UTS2: variants seen among roughly 807,000 people sequenced by gnomAD.
UTS2 encodes the protein urotensin 2, also known as urotensin-2.
A neutral mutation model predicts 12.6 loss-of-function variants in UTS2; 10 were observed. That is an observed-to-expected ratio of 0.80 (90% CI 0.49 to 1.35). The LOEUF (loss-of-function observed/expected upper bound fraction) is 1.35, where lower values mean the gene tolerates loss of function less well. Ranked by LOEUF, UTS2 falls within the 40% of genes most tolerant of loss-of-function variation. The pLI, the probability that UTS2 is intolerant of heterozygous loss-of-function variation, is 0.00. For synonymous variants in UTS2, 52 were observed against 50.0 expected (o/e 1.04, Z -0.17); for missense variants, 142 against 143.2 (o/e 0.99, Z 0.04).
At chr1:7,864,454 C>T in the UTS2 span, among the ~76,000 whole-genome samples, 2 of 152,202 alleles carry the variant, frequency 1.3e-5, no homozygotes, top group African/African-American at 4.8e-5. Context: ...CTCATGTCTG[C>T]ACCCACCAAA....
At chr1:7,899,681 T>G in the UTS2 span, among the ~76,000 whole-genome samples, 4 of 152,298 alleles carry the variant, frequency 2.6e-5, no homozygotes, top group East Asian at 7.7e-4. Flanking sequence ...CTTTATGATC[T>G]TTTTTAAACA....
chr1:7,865,102 C>T, the UTS2 span, among the ~76,000 whole-genome samples: 1 of 15,932 alleles, frequency 6.3e-5, no homozygotes, highest in African/African-American at 1.5e-4. Flanking sequence ...TCTGTCTGTC[C>T]GATACCATCT....
At chr1:7,907,191 GA>G in the UTS2 span, among the ~76,000 whole-genome samples, 1 of 152,258 alleles carries the variant, frequency 6.6e-6, no homozygotes, top group East Asian at 1.9e-4. Flanking sequence ...GGGAGGTGGA[GA>G]CTGCAATGAG....
the UTS2 span, among the ~76,000 whole-genome samples, chr1:7,862,447 ATTAC>A: frequency 6.6e-6 from 1 of 151,214 alleles, no homozygotes; most frequent in African/African-American, 2.4e-5. Flanking sequence ...GGTTTTTGCC[ATTAC>A]TTTCAACGGC....
the UTS2 span, among the ~76,000 whole-genome samples, chr1:7,878,588 G>A: frequency 0.64 from 97,033 of 151,940 alleles, 31,196 homozygotes; most frequent in East Asian, 0.74. Flanking sequence ...TACCTAAAAT[G>A]TATAGAGCCA....
upstream of UTS2, among the ~76,000 whole-genome samples, chr1:7,856,372 G>C (rs570369329): frequency 2.7e-4 from 41 of 152,348 alleles, 1 homozygote; most frequent in Admixed American, 1.2e-3. Context: ...ACAGGGGCAG[G>C]TAGTCAGGGC....
At position 7,847,623 on chromosome 1, in the gene UTS2, T is replaced by TA; in HGVS notation, c.*142dup. The stretch of plus-strand genomic sequence containing the variant: ...AACCACTCATGATATGTGCAAAACA[T>TA]AGAGGATTTATTTTCCAGGTAACAA... On this transcript the variant is annotated 3_prime_UTR_variant, in exon 4 of 4. Transcript: ENST00000361696. 1 of 674,148 alleles carries TA rather than the reference T, an allele frequency of 1.5e-6. No homozygotes were observed. Among genetic ancestry groups the TA allele is most frequent in the Non-Finnish European group, 2.6e-6 (1 of 386,074 alleles). The allele number at this position is 674,148 out of a possible 1,614,324, so 41.8% of individuals were successfully genotyped here. A position where few individuals can be genotyped will look rare whatever the true frequency, so the allele number is the denominator to read the frequency against.
chr1:7,860,265 C>T, the UTS2 span, among the ~76,000 whole-genome samples: 8 of 152,190 alleles, frequency 5.3e-5, no homozygotes, highest in South Asian at 4.1e-4. Flanking sequence ...AGAGGGTCAG[C>T]GTAGGCTTGC....
chr1:7,861,539 A>G, the UTS2 span, among the ~76,000 whole-genome samples: 2 of 152,218 alleles, frequency 1.3e-5, no homozygotes, highest in Admixed American at 6.5e-5. Flanking sequence ...AAGAAGGGCG[A>G]TCACGTAACT....
the UTS2 span, among the ~76,000 whole-genome samples, chr1:7,860,462 G>C: frequency 6.6e-6 from 1 of 152,136 alleles, no homozygotes; most frequent in Non-Finnish European, 1.5e-5. Context: ...ATGCAGAAGG[G>C]CAGGTCACAC....
the UTS2 span, among the ~76,000 whole-genome samples, chr1:7,905,425 G>A: frequency 0.022 from 4 of 184 alleles, no homozygotes; most frequent in Admixed American, 0.062. Context: ...GATTATAGGC[G>A]TGACGCCGTG....
the UTS2 span, among the ~76,000 whole-genome samples, chr1:7,912,512 G>A: frequency 1.3e-5 from 2 of 152,160 alleles, no homozygotes; most frequent in South Asian, 4.1e-4. Context: ...GGAGTGCAGT[G>A]TCATGATCTC....
the UTS2 span, among the ~76,000 whole-genome samples, chr1:7,883,896 C>G: frequency 1.3e-5 from 2 of 151,632 alleles, no homozygotes; most frequent in African/African-American, 4.9e-5. Flanking sequence ...CTTACTGCAA[C>G]CTCCACCACC....
chr1:7,864,209 T>C, the UTS2 span, among the ~76,000 whole-genome samples: 4 of 152,134 alleles, frequency 2.6e-5, no homozygotes, highest in African/African-American at 9.7e-5. Context: ...CAGATCAAGG[T>C]GTCGGCAGGG....
At chr1:7,863,882 G>A in the UTS2 span, among the ~76,000 whole-genome samples, 1 of 152,232 alleles carries the variant, frequency 6.6e-6, no homozygotes, top group Non-Finnish European at 1.5e-5. Context: ...GGCCCCAGTT[G>A]TCTAAGATGA....
chr1:7,863,519 G>A, the UTS2 span, among the ~76,000 whole-genome samples: 1 of 152,124 alleles, frequency 6.6e-6, no homozygotes, highest in African/African-American at 2.4e-5. Context: ...TTTTTACTAT[G>A]TGTATCGGGG....
At chr1:7,903,467 A>G in the UTS2 span, among the ~76,000 whole-genome samples, 3 of 150,866 alleles carry the variant, frequency 2.0e-5, no homozygotes, top group Admixed American at 1.3e-4. Flanking sequence ...GCTCACTGCA[A>G]CCTCCCTTTC....
At chr1:7,863,213 G>A in the UTS2 span, among the ~76,000 whole-genome samples, 2 of 151,964 alleles carry the variant, frequency 1.3e-5, no homozygotes, top group African/African-American at 4.8e-5. Context: ...CCGGGTTCAA[G>A]TGATTCTCCT....
the UTS2 span, among the ~76,000 whole-genome samples, chr1:7,892,199 C>T: frequency 6.6e-6 from 1 of 152,208 alleles, no homozygotes; most frequent in Admixed American, 6.5e-5. Context: ...TACTATACTA[C>T]AGACCTGGTG....
Sources: allele counts gnomAD v4.1 joint callset (sites outside exome capture counted in the v4.1 genomes callset), GRCh38; gene constraint gnomAD v4.1.1; transcripts MANE v1.5; gene names NCBI Gene and HGNC (gene_info 2026-07-23, HGNC 2026-07-21).